The following FBXW11 variants were observed in gnomAD, a reference collection of about 807,000 sequenced individuals.
FBXW11 encodes F-box/WD repeat-containing protein 11.
A neutral mutation model predicts 77.6 loss-of-function variants in FBXW11; 19 were observed. The observed-to-expected ratio is 0.24, with a 90% confidence interval of 0.17 to 0.36. The LOEUF is 0.36. FBXW11 is among the 10% of genes least tolerant of loss of function. FBXW11 has a pLI of 1.00. For synonymous variants in FBXW11, 235 were observed against 249.4 expected (o/e 0.94, Z 0.54); for missense variants, 334 against 704.2 (o/e 0.47, Z 5.95).
chr5:171,922,906 CGTGTGTGTGT>C (rs140856911), intron 2 of FBXW11, among the ~76,000 whole-genome samples: 1 of 150,398 alleles, frequency 6.6e-6, no homozygotes, highest in African/African-American at 2.4e-5. Flanking sequence ...CGTGTGTGTG[CGTGTGTGTGT>C]GTGTGCGTGT....
intron 2 of FBXW11, among the ~76,000 whole-genome samples, chr5:171,947,853 G>A (rs907941969): frequency 6.6e-6 from 1 of 151,982 alleles, no homozygotes; most frequent in African/African-American, 2.4e-5. Context: ...GGAGGTCGAC[G>A]CTATAGTGAG....
chr5:171,991,996 T>A lies in FBXW11; in HGVS notation c.45+14462A>T, dbSNP rs1269459033. Among the ~76,000 whole-genome samples, 6 of 151,962 alleles carry A rather than the reference T, an allele frequency of 3.9e-5. No individual in the cohort carries two copies. In the East Asian group the frequency reaches 1.2e-3, roughly 29 times the overall value. On this transcript the variant is annotated intron_variant, in intron 1 of 13. Coordinates refer to ENST00000517395, the MANE Select transcript of FBXW11 (RefSeq NM_001378974.1). ...TGGGCGTGGTGGTGCACGCCTGTAG[T>A]CCCAGCTACTCGGGAGGCTGAGGTG...
chr5:171,958,830 C>T (rs984400301), intron 1 of FBXW11, among the ~76,000 whole-genome samples: 5 of 152,116 alleles, frequency 3.3e-5, no homozygotes, highest in African/African-American at 1.2e-4. Context: ...CAAAACATCC[C>T]AGAAGTCTTG....
chr5:171,891,412 G>C, intron 7 of FBXW11, 55 bp downstream of exon 7: 1 of 1,508,314 alleles, frequency 6.6e-7, no homozygotes, highest in Non-Finnish European at 8.9e-7. Flanking sequence ...CACATCTAGT[G>C]TCTAACACAT....
chr5:171,958,545 T>C (rs1763735715), intron 1 of FBXW11, among the ~76,000 whole-genome samples: 2 of 152,204 alleles, frequency 1.3e-5, no homozygotes, highest in Non-Finnish European at 2.9e-5. Context: ...GTTTACAAAG[T>C]CCGTCTGACA....
Position 171,868,927 on chromosome 5 carries a change from T to A in FBXW11, c.1531-131A>T. The A allele has an allele frequency of 4.3e-6, 3 of 705,348 alleles. No individual in the cohort carries two copies. The South Asian group carries it at 6.8e-5, about 16-fold the overall frequency. The allele number at this position is 705,348 out of a possible 1,614,324, so 43.7% of individuals were successfully genotyped here. On this transcript the variant is annotated intron_variant, in intron 12 of 13. Coordinates refer to ENST00000517395, the MANE Select transcript of FBXW11 (RefSeq NM_001378974.1). ...TCCTAAACGACTGTACAGAGCTCACTGAACTGTGTCCTTCATCCCAAGAAC... is the reference window on the plus strand; with the variant it reads ...TCCTAAACGACTGTACAGAGCTCACAGAACTGTGTCCTTCATCCCAAGAAC...
chr5:171,898,545 T>C (rs571194353), intron 6 of FBXW11, among the ~76,000 whole-genome samples: 7 of 152,336 alleles, frequency 4.6e-5, no homozygotes, highest in Admixed American at 2.6e-4. Context: ...ATTTGCCCTA[T>C]AAAATCCACT....
chr5:171,888,610 G>A (rs1259668456), intron 7 of FBXW11, among the ~76,000 whole-genome samples: 2 of 152,116 alleles, frequency 1.3e-5, no homozygotes, highest in Non-Finnish European at 2.9e-5. Flanking sequence ...ATTATAACAG[G>A]ACCCACAGTC....
At chr5:171,950,724 T>C (rs1198267741) in intron 2 of FBXW11, among the ~76,000 whole-genome samples, 2 of 151,880 alleles carry the variant, frequency 1.3e-5, no homozygotes, top group African/African-American at 4.8e-5. Flanking sequence ...CGTCTCCACT[T>C]AAAATACAAA....
chr5:171,903,477 C>G (rs2113896557), intron 4 of FBXW11, among the ~76,000 whole-genome samples: 1 of 152,268 alleles, frequency 6.6e-6, no homozygotes, highest in Middle Eastern at 3.4e-3. Context: ...TGTGCCTCTC[C>G]ATCACTAGGA....
intron 4 of FBXW11, among the ~76,000 whole-genome samples, chr5:171,905,362 T>C (rs1443922858): frequency 2.0e-5 from 3 of 152,190 alleles, no homozygotes; most frequent in Non-Finnish European, 2.9e-5. Flanking sequence ...GTACTCTACA[T>C]ACCCTCATTT....
chr5:171,868,481 T>G, intron 13 of FBXW11, 129 bp downstream of exon 13: 4 of 670,878 alleles, frequency 6.0e-6, no homozygotes, highest in Non-Finnish European at 1.0e-5. Context: ...ACACTTGAAC[T>G]CTGCAAAAGT....
rs538996597 is a variant in FBXW11, at chr5:171,894,810, G to A, written c.715-3206C>T. Among the ~76,000 whole-genome samples the A allele has an allele frequency of 2.6e-3, 396 of 151,808 alleles. 1 individual carries two copies. The highest frequency in any genetic ancestry group is 3.4e-3 in the Middle Eastern group (1 of 294). On this transcript the variant is annotated intron_variant, in intron 6 of 13. Coordinates refer to ENST00000517395, the MANE Select transcript of FBXW11 (RefSeq NM_001378974.1). ...AAAGGACTCGCTGCTGTAAAGATGG[G>A]AAGAGTAATATCTACTCCCTCAAAA...
chr5:171,952,438 TATATATA>T lies in FBXW11; in HGVS notation c.147+5152_147+5158del, dbSNP rs1180520131. Among the ~76,000 whole-genome samples the T allele has an allele frequency of 6.7e-4, 14 of 20,910 alleles. 1 individual carries two copies. Among genetic ancestry groups the T allele is most frequent in the Non-Finnish European group, 1.3e-3 (14 of 10,552 alleles). 13.7% of individuals were successfully genotyped at this position (20,910 alleles called of 152,430 possible). ...GTGTACATACATATATATATATATATATATATATATTTTTTTTTTTTTTTTTTTTTTT... is the reference window on the plus strand; with the variant it reads ...GTGTACATACATATATATATATATATTATTTTTTTTTTTTTTTTTTTTTTT... On this transcript the variant is annotated intron_variant, in intron 2 of 13. Coordinates refer to ENST00000517395, the MANE Select transcript of FBXW11 (RefSeq NM_001378974.1).
At chr5:171,980,358 C>T (rs1253264123) in intron 1 of FBXW11, among the ~76,000 whole-genome samples, 1 of 152,004 alleles carries the variant, frequency 6.6e-6, no homozygotes, top group Non-Finnish European at 1.5e-5. Flanking sequence ...AATACAGTAA[C>T]CATGAAATAA....
rs1042664265 is a variant in FBXW11 at position 171,862,607 on chromosome 5, C to T, written c.*1520G>A. ...AGAAGGAGTGCCAATTGGATGCCAA[C>T]GTCCTTTCCATGCACTGTCAGGGCA... On this transcript the variant is annotated 3_prime_UTR_variant, in exon 14 of 14. Coordinates refer to ENST00000517395, the MANE Select transcript of FBXW11 (RefSeq NM_001378974.1). 10 of 152,692 alleles carry T rather than the reference C, an allele frequency of 6.5e-5. No individual in the cohort carries two copies. Among genetic ancestry groups the T allele is most frequent in the African/African-American group, 2.2e-4 (9 of 41,468 alleles). 9.5% of individuals were successfully genotyped at this position (152,692 alleles called of 1,614,324 possible).
intron 1 of FBXW11, among the ~76,000 whole-genome samples, chr5:171,972,993 G>A (rs1306062259): frequency 1.3e-5 from 2 of 152,188 alleles, no homozygotes; most frequent in East Asian, 3.8e-4. Context: ...TAACTCAGAA[G>A]AACGCATATG....
At chr5:171,929,897 A>G (rs923939882) in intron 2 of FBXW11, among the ~76,000 whole-genome samples, 8 of 152,114 alleles carry the variant, frequency 5.3e-5, no homozygotes, top group Non-Finnish European at 8.8e-5. Flanking sequence ...AAGTGATGGG[A>G]TATTAGTGAA....
chr5:171,983,539 G>A (rs746478780), intron 1 of FBXW11, among the ~76,000 whole-genome samples: 8 of 151,974 alleles, frequency 5.3e-5, no homozygotes, highest in South Asian at 4.2e-4. Flanking sequence ...CTGTGGGATC[G>A]GACACTATCT....
Sources: allele counts gnomAD v4.1 joint callset (sites outside exome capture counted in the v4.1 genomes callset), GRCh38; gene constraint gnomAD v4.1.1; transcripts MANE v1.5; gene names NCBI Gene and HGNC (gene_info 2026-07-23, HGNC 2026-07-21).